Variants in ADGRL4 observed in about 807,000 individuals in gnomAD.
ADGRL4 encodes the protein EGF, latrophilin and seven transmembrane domain containing 1.
In ADGRL4, 90 loss-of-function variants were observed where a neutral mutation model predicts 74.8. The observed-to-expected ratio is 1.20, with a 90% CI of 1.02 to 1.43. ADGRL4 has a LOEUF of 1.43. ADGRL4 is among the 40% of genes most tolerant of loss of function. The pLI is 0.00. For missense variants in ADGRL4, 881 were observed against 814.3 expected (o/e 1.08, Z -1.00); for synonymous variants, 311 against 279.2 (o/e 1.11, Z -1.14).
At chr1:79,000,778 C>G (rs550120046) in intron 2 of ADGRL4, among the ~76,000 whole-genome samples, 1 of 152,104 alleles carries the variant, frequency 6.6e-6, no homozygotes, top group Non-Finnish European at 1.5e-5. Context: ...TTAATTTAGA[C>G]TATAATCTCT....
intron 12 of ADGRL4, among the ~76,000 whole-genome samples, chr1:78,911,665 C>T: frequency 6.6e-6 from 1 of 151,556 alleles, no homozygotes; most frequent in Non-Finnish European, 1.5e-5. Context: ...CATACATTCC[C>T]TTGCATATAA....
At chr1:78,996,391 A>G (rs1483188637) in intron 2 of ADGRL4, among the ~76,000 whole-genome samples, 1 of 152,224 alleles carries the variant, frequency 6.6e-6, no homozygotes, top group Admixed American at 6.5e-5. Flanking sequence ...AAAAACTTAA[A>G]TGTATAAATA....
chr1:78,920,418 G>A (rs1648972849), intron 9 of ADGRL4, 32 bp from the exon 10 acceptor site: 2 of 1,367,540 alleles, frequency 1.5e-6, no homozygotes, highest in Admixed American at 1.9e-5. Context: ...GCAGTTAAAA[G>A]AATAACTCAC....
chr1:78,957,936 T>A (rs962937890), intron 2 of ADGRL4, among the ~76,000 whole-genome samples: 2 of 152,196 alleles, frequency 1.3e-5, no homozygotes, highest in African/African-American at 4.8e-5. Context: ...GATTTTAAGT[T>A]GATGCCAGTG....
At chr1:78,974,897 T>C (rs2100720676) in intron 2 of ADGRL4, among the ~76,000 whole-genome samples, 1 of 152,302 alleles carries the variant, frequency 6.6e-6, no homozygotes, top group East Asian at 1.9e-4. Context: ...TTAGCAATCT[T>C]AATTCCATAG....
At chr1:78,934,510 A>G (rs1649313591) in intron 7 of ADGRL4, among the ~76,000 whole-genome samples, 1 of 152,244 alleles carries the variant, frequency 6.6e-6, no homozygotes, top group Admixed American at 6.5e-5. Flanking sequence ...CTTCATGACA[A>G]AAACACCAAA....
intron 2 of ADGRL4, among the ~76,000 whole-genome samples, chr1:79,002,568 C>T (rs1650866158): frequency 6.6e-6 from 1 of 152,066 alleles, no homozygotes; most frequent in African/African-American, 2.4e-5. Context: ...AGCCGAGTTA[C>T]ATGATAAATT....
At chr1:78,988,341 G>T (rs561102290) in intron 2 of ADGRL4, among the ~76,000 whole-genome samples, 13 of 151,912 alleles carry the variant, frequency 8.6e-5, no homozygotes, top group African/African-American at 3.1e-4. Flanking sequence ...CTGACTTTAT[G>T]AAAACATACT....
At chr1:78,994,715 G>T (rs1337579563) in intron 2 of ADGRL4, among the ~76,000 whole-genome samples, 3 of 152,126 alleles carry the variant, frequency 2.0e-5, no homozygotes, top group African/African-American at 7.2e-5. Context: ...TCTGGTCTTG[G>T]ACAGTAACCA....
intron 12 of ADGRL4, among the ~76,000 whole-genome samples, chr1:78,905,296 A>T (rs973754474): frequency 3.3e-5 from 5 of 152,052 alleles, no homozygotes; most frequent in Non-Finnish European, 7.4e-5. Flanking sequence ...GCTAACTTCA[A>T]TAAGTTTATA....
chr1:79,006,650 T>C lies in ADGRL4; in HGVS notation c.5A>G (p.Lys2Arg). 1 of 1,512,038 alleles carries C rather than the reference T, an allele frequency of 6.6e-7. No homozygotes were observed. Among genetic ancestry groups the C allele is most frequent in the Non-Finnish European group, 8.8e-7 (1 of 1,132,090 alleles). The allele number at this position is 1,512,038 out of a possible 1,614,324, so 93.7% of individuals were successfully genotyped here. The change falls in exon 1 of 15, where the codon AAA becomes AGA. Residue 2 changes from lysine (K) to arginine (R), a missense_variant. Transcript: ENST00000370742. The part of the protein sequence containing the change: M[K>R]RLPLLVVFST... ...GCACTCACCTAGGAGCGGGAGGCGT[T>C]TCATTGGCGGTGGCCGCAGTGGTGG... is the stretch of plus-strand genomic sequence containing the variant.
chr1:78,893,762 A>G (rs1189130712), intron 12 of ADGRL4, among the ~76,000 whole-genome samples: 2 of 151,922 alleles, frequency 1.3e-5, no homozygotes, highest in Non-Finnish European at 2.9e-5. Context: ...AATGTTAATC[A>G]ATGAATTAAA....
At chr1:78,906,599 A>G (rs1648643567) in intron 12 of ADGRL4, among the ~76,000 whole-genome samples, 1 of 152,042 alleles carries the variant, frequency 6.6e-6, no homozygotes, top group Admixed American at 6.6e-5. Flanking sequence ...GTAATGTGAC[A>G]ATGAATACTA....
chr1:78,891,785 G>C (rs568471140), intron 13 of ADGRL4, 93 bp from the exon 14 acceptor site: 3 of 1,108,200 alleles, frequency 2.7e-6, no homozygotes, highest in Non-Finnish European at 3.8e-6. Flanking sequence ...TGAGTTTTCA[G>C]TATAACCAAG....
chr1:78,971,997 C>T (rs1283352399), intron 2 of ADGRL4, among the ~76,000 whole-genome samples: 1 of 151,424 alleles, frequency 6.6e-6, no homozygotes, highest in East Asian at 1.9e-4. Context: ...TTAGGTGATG[C>T]ACCTGCCTCA....
intron 4 of ADGRL4, among the ~76,000 whole-genome samples, 183 bp downstream of exon 4, chr1:78,939,005 G>T (rs910551117): frequency 6.6e-6 from 1 of 152,004 alleles, no homozygotes; most frequent in Non-Finnish European, 1.5e-5. Flanking sequence ...TGAATAATTT[G>T]AGGATTTTCA....
At chr1:78,920,702 C>T (rs962855273) in intron 9 of ADGRL4, among the ~76,000 whole-genome samples, 1 of 151,518 alleles carries the variant, frequency 6.6e-6, no homozygotes, top group Non-Finnish European at 1.5e-5. Context: ...GAAAGGCAAT[C>T]GATTATTATA....
chr1:78,891,524 C>T lies in ADGRL4; in HGVS notation c.2010G>A (p.Lys670=), dbSNP rs1648273161. 6.2e-7 allele frequency: 1 copy of T among 1,609,794 alleles called. No homozygotes were observed. The highest frequency in any genetic ancestry group is 1.1e-5 in the South Asian group (1 of 90,332). ...ACCACCAAAATAAGAAATTGTTTACCTTTCTAGATAAAACACACAGGAATA... is the reference window on the plus strand; with the variant it reads ...ACCACCAAAATAAGAAATTGTTTACTTTTCTAGATAAAACACACAGGAATA... ...IFLFLCVLSR[K]IQEEYYRLFK... is the part of the protein sequence containing the mutation. Residue 670 remains lysine (K), a splice_region_variant and synonymous_variant, in exon 14 of 15, where the codon AAG becomes AAA. Transcript: ENST00000370742.
At chr1:78,929,096 C>T (rs952357889) in intron 7 of ADGRL4, among the ~76,000 whole-genome samples, 6 of 151,478 alleles carry the variant, frequency 4.0e-5, no homozygotes, top group African/African-American at 1.2e-4. Flanking sequence ...TATGTGAAAT[C>T]TCTTAACAAA....
Sources: gnomAD v4.1 joint callset for allele counts (sites outside exome capture counted in the v4.1 genomes callset) on GRCh38, gnomAD v4.1.1 for gene constraint, MANE v1.5 for transcripts, NCBI Gene and HGNC (gene_info 2026-07-23, HGNC 2026-07-21) for gene names.